The following MTMR10 variants were observed in gnomAD, a reference collection of about 807,000 sequenced individuals.
The protein encoded by MTMR10 is myotubularin-related protein 10.
In MTMR10, 56 loss-of-function variants were observed where a neutral mutation model predicts 88.1. The ratio of observed to expected loss-of-function variants is 0.64; its 90% CI spans 0.51 to 0.79. The LOEUF (loss-of-function observed/expected upper bound fraction) is 0.79. MTMR10 is among the 30% of genes least tolerant of loss of function. The pLI, the probability that MTMR10 is intolerant of heterozygous loss-of-function variation, is 0.00. For synonymous variants in MTMR10, 380 were observed against 340.9 expected, an observed-to-expected ratio of 1.11 and a Z score of -1.26; for missense variants, 883 against 924.7, an observed-to-expected ratio of 0.95 and a Z score of 0.58.
intron 9 of MTMR10, chr15:30,956,112 A>T (rs1034834732): frequency 1.3e-5 from 2 of 152,198 alleles, no homozygotes; most frequent in Admixed American, 1.3e-4. Flanking sequence ...ATTTTGGTGC[A>T]ATCTTTCTAG....
chr15:30,955,656 G>A (rs186790292), intron 9 of MTMR10, among the ~76,000 whole-genome samples: 114 of 152,030 alleles, frequency 7.5e-4, no homozygotes, highest in East Asian at 2.5e-3. Flanking sequence ...AGGGGGGGGC[G>A]GGGCAGCACT....
chr15:30,920,707 T>C, the MTMR10 span: 1 of 1,034,614 alleles, frequency 9.7e-7, no homozygotes, highest in Non-Finnish European at 1.5e-6. Context: ...GCGTTAAACA[T>C]GTGAAGGGAC....
Position 30,943,957 on chromosome 15 carries a change from G to A in MTMR10, c.1549-885C>T, listed in dbSNP as rs1012566907. On this transcript the variant is annotated intron_variant, in intron 14 of 15. Coordinates refer to ENST00000435680, the MANE Select transcript of MTMR10 (RefSeq NM_017762.3). ...AGGAAATAACTCCAGACACAAAGTC[G>A]CTGGATGATGGGAAATGTCTGATTC... The A allele has an allele frequency of 8.1e-6, 8 of 985,244 alleles. No homozygotes were observed. The African/African-American group carries it at 1.0e-4, about 13-fold the overall frequency. The allele number at this position is 985,244 out of a possible 1,614,324, so 61.0% of individuals were successfully genotyped here.
At chr15:30,948,240 T>C (rs975386887) in intron 13 of MTMR10, 62 bp downstream of exon 13, 3 of 1,461,662 alleles carry the variant, frequency 2.1e-6, no homozygotes, top group African/African-American at 2.8e-5. Flanking sequence ...CATCTTTTAA[T>C]GACACAAATT....
intron 14 of MTMR10, among the ~76,000 whole-genome samples, chr15:30,944,193 C>G (rs1186709175): frequency 6.6e-6 from 1 of 152,146 alleles, no homozygotes; most frequent in Non-Finnish European, 1.5e-5. Context: ...TGTAACAGCA[C>G]AGGGCATTTT....
At position 30,939,600 on chromosome 15, in the gene MTMR10, A is replaced by G. The variant is rs2062970233; in HGVS notation, c.*1870T>C. ...ATTTTTCTATTTTTAACCATTATTA[A>G]TAGTACCTAATATTTTTAAACTTGT... is the stretch of plus-strand genomic sequence containing the variant. On this transcript the variant is annotated 3_prime_UTR_variant, in exon 16 of 16. Transcript: ENST00000435680. 1 of 928,428 alleles carries G rather than the reference A, an allele frequency of 1.1e-6. No individual in the cohort carries two copies. Among genetic ancestry groups the G allele is most frequent in the South Asian group, 5.0e-5 (1 of 20,080 alleles). 57.5% of individuals were successfully genotyped at this position (928,428 alleles called of 1,614,324 possible). A position where few individuals can be genotyped will look rare whatever the true frequency, so the allele number is the denominator to read the frequency against.
chr15:30,918,948 A>G, the MTMR10 span, among the ~76,000 whole-genome samples: 3 of 152,166 alleles, frequency 2.0e-5, no homozygotes, highest in Non-Finnish European at 4.4e-5. Flanking sequence ...TGACTTCCCC[A>G]CTACTTAATT....
the MTMR10 span, chr15:30,926,833 A>G: frequency 1.0e-5 from 10 of 985,310 alleles, no homozygotes; most frequent in Admixed American, 1.8e-4. Context: ...TTCCCAGAGT[A>G]GAAACTATTT....
chr15:30,985,620 T>C (rs2030892532), intron 2 of MTMR10, among the ~76,000 whole-genome samples: 1 of 152,214 alleles, frequency 6.6e-6, no homozygotes, highest in African/African-American at 2.4e-5. Flanking sequence ...ACAAGACTGT[T>C]ATGATGATTA....
At chr15:30,987,924 A>G (rs1261874906) in intron 2 of MTMR10, among the ~76,000 whole-genome samples, 1 of 132,328 alleles carries the variant, frequency 7.6e-6, no homozygotes, top group African/African-American at 3.0e-5. Context: ...CCCGGTGTCC[A>G]TGTTGAACAA....
chr15:30,926,641 T>C, the MTMR10 span: 8 of 985,220 alleles, frequency 8.1e-6, no homozygotes, highest in Non-Finnish European at 9.6e-6. Flanking sequence ...GACGTGCAAA[T>C]GCCAGTGAAG....
downstream of MTMR10, chr15:30,937,281 G>T (rs1274740497): frequency 1.3e-6 from 2 of 1,590,290 alleles, no homozygotes; most frequent in East Asian, 2.2e-5. Flanking sequence ...GGGATATTTG[G>T]TCATACATTA....
chr15:30,946,330 CA>C lies in MTMR10; in HGVS notation c.1548+799del, dbSNP rs1269402385. The C allele has an allele frequency of 2.3e-5, 4 of 174,142 alleles. No homozygotes were observed. The East Asian group carries it at 6.2e-4, about 27-fold the overall frequency. The allele number at this position is 174,142 out of a possible 1,614,324, so 10.8% of individuals were successfully genotyped here. A position where few individuals can be genotyped will look rare whatever the true frequency, so the allele number is the denominator to read the frequency against. On this transcript the variant is annotated intron_variant, in intron 14 of 15. Transcript: ENST00000435680. The stretch of plus-strand genomic sequence containing the variant: ...TCACCTCATACAATGAGACTAAAGG[CA>C]TAAGTGTTAGTTTGACAGATCCATT...
chr15:30,968,107 A>G, intron 5 of MTMR10, 97 bp from the exon 6 acceptor site: 2 of 823,354 alleles, frequency 2.4e-6, no homozygotes, highest in East Asian at 2.7e-5. Flanking sequence ...ATCTTGGGGC[A>G]GTGATTATAG....
At chr15:30,945,809 G>A (rs867117777) in intron 14 of MTMR10, among the ~76,000 whole-genome samples, 1 of 152,174 alleles carries the variant, frequency 6.6e-6, no homozygotes, top group African/African-American at 2.4e-5. Flanking sequence ...GTGGGCAGGG[G>A]ACAGACTCTG....
Position 30,939,541 on chromosome 15 carries a change from GTA to G in MTMR10, c.*1927_*1928del. The G allele has an allele frequency of 1.0e-6, 1 of 971,796 alleles. No individual in the cohort carries two copies. The highest frequency in any genetic ancestry group is 1.2e-6 in the Non-Finnish European group (1 of 817,776). 60.2% of individuals were successfully genotyped at this position (971,796 alleles called of 1,614,324 possible). On this transcript the variant is annotated 3_prime_UTR_variant, in exon 16 of 16. Coordinates refer to ENST00000435680, the MANE Select transcript of MTMR10 (RefSeq NM_017762.3). Reference sequence around the variant, plus strand: ...TAACAACTGTCCAGCAAAAATAAAAGTATTTTACATTTGATTATCATACAAAA... The same window carrying G: ...TAACAACTGTCCAGCAAAAATAAAAGTTTTACATTTGATTATCATACAAAA...
At chr15:30,969,941 T>G (rs559973775) in intron 5 of MTMR10, among the ~76,000 whole-genome samples, 1 of 152,270 alleles carries the variant, frequency 6.6e-6, no homozygotes, top group Non-Finnish European at 1.5e-5. Flanking sequence ...AACACTACTC[T>G]CTTCACAAGC....
the MTMR10 span, chr15:30,927,463 A>G: frequency 2.6e-5 from 26 of 985,620 alleles, no homozygotes; most frequent in Admixed American, 1.8e-4. Flanking sequence ...AACTGACAGG[A>G]AGACAGGACA....
At chr15:30,920,616 G>A in the MTMR10 span, 10 of 1,611,592 alleles carry the variant, frequency 6.2e-6, no homozygotes, top group East Asian at 6.7e-5. Context: ...ATTTTGTCTC[G>A]GTTTGTGGAA....
Sources: allele counts gnomAD v4.1 joint callset (sites outside exome capture counted in the v4.1 genomes callset), GRCh38; gene constraint gnomAD v4.1.1; transcripts MANE v1.5; gene names NCBI Gene and HGNC (gene_info 2026-07-23, HGNC 2026-07-21).